Variants in MYRIP observed in about 807,000 individuals in gnomAD.
The protein encoded by MYRIP is myosin VIIA and Rab interacting protein.
In MYRIP, 49 loss-of-function variants were observed where a neutral mutation model predicts 98.0. The observed-to-expected ratio is 0.50, with a 90% CI of 0.40 to 0.63. MYRIP has a LOEUF of 0.63. Among genes scored for constraint, MYRIP ranks in the 30% least tolerant of loss-of-function variants. The pLI, the probability that MYRIP is intolerant of heterozygous loss-of-function variation, is 0.00. For missense variants in MYRIP, 1,004 were observed against 1,058.2 expected (o/e 0.95, Z 0.71); for synonymous variants, 404 against 409.5 (o/e 0.99, Z 0.16).
intron 3 of MYRIP, among the ~76,000 whole-genome samples, chr3:40,052,772 C>G (rs1947817391): frequency 6.6e-6 from 1 of 152,024 alleles, no homozygotes; most frequent in African/African-American, 2.4e-5. Flanking sequence ...AAATGCTCAA[C>G]AATAAAATGG....
intron 2 of MYRIP, among the ~76,000 whole-genome samples, chr3:39,977,420 C>T (rs545734043): frequency 2.2e-3 from 337 of 152,248 alleles, no homozygotes; most frequent in Non-Finnish European, 3.4e-3. Flanking sequence ...GAATTGTTAC[C>T]GCCTTTGGAC....
intron 1 of MYRIP, among the ~76,000 whole-genome samples, chr3:39,872,697 A>G (rs1189737782): frequency 6.6e-6 from 1 of 151,978 alleles, no homozygotes; most frequent in Non-Finnish European, 1.5e-5. Flanking sequence ...ATAGTATTCC[A>G]TGGTGTATAT....
At chr3:40,056,416 C>G (rs543840310) in intron 3 of MYRIP, among the ~76,000 whole-genome samples, 9 of 152,260 alleles carry the variant, frequency 5.9e-5, no homozygotes, top group Admixed American at 5.2e-4. Context: ...CTTGACAACC[C>G]TAAGCACAGC....
intron 2 of MYRIP, among the ~76,000 whole-genome samples, chr3:39,966,812 C>A (rs973933173): frequency 6.6e-6 from 1 of 152,202 alleles, no homozygotes; most frequent in Non-Finnish European, 1.5e-5. Flanking sequence ...CTCTCTCCCT[C>A]TAGTCACCTG....
At chr3:40,213,382 T>C (rs1044687477) in intron 11 of MYRIP, among the ~76,000 whole-genome samples, 8 of 152,180 alleles carry the variant, frequency 5.3e-5, no homozygotes, top group African/African-American at 1.7e-4. Flanking sequence ...AAAATAAGCT[T>C]CACTGTCATG....
intron 8 of MYRIP, among the ~76,000 whole-genome samples, chr3:40,172,315 A>C (rs924619997): frequency 6.6e-6 from 1 of 152,202 alleles, no homozygotes; most frequent in Non-Finnish European, 1.5e-5. Flanking sequence ...GGGAGCTGTC[A>C]GGGAAAACCA....
chr3:40,226,688 G>A (rs1460861851), intron 11 of MYRIP, among the ~76,000 whole-genome samples: 1 of 152,166 alleles, frequency 6.6e-6, no homozygotes, highest in East Asian at 1.9e-4. Flanking sequence ...TCTATCAGTT[G>A]GAGTGATCAC....
intron 10 of MYRIP, among the ~76,000 whole-genome samples, chr3:40,205,380 G>A (rs567427851): frequency 3.5e-4 from 54 of 152,240 alleles, no homozygotes; most frequent in African/African-American, 1.2e-3. Flanking sequence ...CTTCCCTGGC[G>A]TAAAATGCTT....
intron 3 of MYRIP, among the ~76,000 whole-genome samples, chr3:40,131,124 A>G (rs1949629108): frequency 6.6e-6 from 1 of 152,206 alleles, no homozygotes; most frequent in Non-Finnish European, 1.5e-5. Context: ...AAAAATTGCA[A>G]TACTTCTACC....
At chr3:40,240,765 C>A (rs1952984876) in intron 12 of MYRIP, among the ~76,000 whole-genome samples, 1 of 152,144 alleles carries the variant, frequency 6.6e-6, no homozygotes, top group African/African-American at 2.4e-5. Context: ...GTTCCTTGGG[C>A]TGAATGCCTT....
intron 8 of MYRIP, 34 bp from the exon 9 acceptor site, chr3:40,182,186 T>C: frequency 6.4e-7 from 1 of 1,570,966 alleles, no homozygotes; most frequent in South Asian, 1.2e-5. Flanking sequence ...CTGTACCTTA[T>C]GAGCTCACCC....
At chr3:39,867,847 T>C (rs983213339) in intron 1 of MYRIP, among the ~76,000 whole-genome samples, 2 of 152,150 alleles carry the variant, frequency 1.3e-5, no homozygotes, top group Middle Eastern at 3.2e-3. Flanking sequence ...TATCTGCACC[T>C]CCATGTTCAT....
intron 2 of MYRIP, among the ~76,000 whole-genome samples, chr3:40,001,967 G>A (rs893622471): frequency 1.3e-5 from 2 of 152,180 alleles, no homozygotes; most frequent in Non-Finnish European, 2.9e-5. Context: ...AAGCCCCATG[G>A]AAGGTGATAC....
chr3:40,012,507 G>A (rs768401974), intron 2 of MYRIP, among the ~76,000 whole-genome samples: 3 of 152,106 alleles, frequency 2.0e-5, no homozygotes, highest in Non-Finnish European at 4.4e-5. Context: ...GAACTTGACC[G>A]GGCCCCAGGG....
rs966551360 is a variant in MYRIP at position 40,149,049 on chromosome 3, GA to G, written c.333-1998del. Among the ~76,000 whole-genome samples, 144 of 152,332 alleles carry G rather than the reference GA, an allele frequency of 9.5e-4. 1 individual carries two copies. Among genetic ancestry groups the G allele is most frequent in the African/African-American group, 3.4e-3 (141 of 41,582 alleles). Reference sequence around the variant, plus strand: ...TAGGGACTCCCCCAATGCCAAACAAGATAAGCTTCTTCCGTATTAGTCCATT... The same window carrying G: ...TAGGGACTCCCCCAATGCCAAACAAGTAAGCTTCTTCCGTATTAGTCCATT... On this transcript the variant is annotated intron_variant, in intron 3 of 16. Transcript: ENST00000302541.
intron 2 of MYRIP, among the ~76,000 whole-genome samples, chr3:39,987,185 ATG>A (rs1345183276): frequency 6.6e-6 from 1 of 151,946 alleles, no homozygotes; most frequent in African/African-American, 2.4e-5. Context: ...TGGCCCCAGT[ATG>A]TGTCATTTCT....
At chr3:40,032,089 C>T (rs1947274647) in intron 2 of MYRIP, among the ~76,000 whole-genome samples, 1 of 151,706 alleles carries the variant, frequency 6.6e-6, no homozygotes, top group African/African-American at 2.4e-5. Context: ...TTAGGGTGTC[C>T]ATTTTGGATC....
At chr3:40,084,826 TAGATAATATATATCTATGTGTTACATGTC>T (rs1948585595) in intron 3 of MYRIP, among the ~76,000 whole-genome samples, 2 of 36,650 alleles carry the variant, frequency 5.5e-5, no homozygotes, top group African/African-American at 1.5e-4. Flanking sequence ...TACATGTCGA[TAGATAATATATATCTATGTGTTACATGTC>T]GATAGATAAT....
At chr3:40,132,112 A>G (rs1021426286) in intron 3 of MYRIP, among the ~76,000 whole-genome samples, 1 of 152,138 alleles carries the variant, frequency 6.6e-6, no homozygotes, top group Non-Finnish European at 1.5e-5. Context: ...TTTCTTCTGA[A>G]TGCCTTCCCA....
Sources: gnomAD v4.1 joint callset for allele counts (sites outside exome capture counted in the v4.1 genomes callset) on GRCh38, gnomAD v4.1.1 for gene constraint, MANE v1.5 for transcripts, NCBI Gene and HGNC (gene_info 2026-07-23, HGNC 2026-07-21) for gene names.